KCNIP1: variants seen among roughly 807,000 people sequenced by gnomAD.
KCNIP1 encodes potassium voltage-gated channel interacting protein 1.
In KCNIP1, 18 loss-of-function variants were observed where a neutral mutation model predicts 33.0. The ratio of observed to expected loss-of-function variants is 0.55; its 90% CI spans 0.38 to 0.81. The LOEUF is 0.81. KCNIP1 is among the 30% of genes least tolerant of loss of function. The pLI, the probability that KCNIP1 is intolerant of heterozygous loss-of-function variation, is 0.00. For synonymous variants in KCNIP1, 93 were observed against 98.3 expected (o/e 0.95, Z 0.32); for missense variants, 238 against 271.6 (o/e 0.88, Z 0.87).
chr5:170,646,127 A>G (rs1413598845), intron 1 of KCNIP1, among the ~76,000 whole-genome samples: 2 of 152,232 alleles, frequency 1.3e-5, no homozygotes, highest in Non-Finnish European at 2.9e-5. Context: ...AGAAAGCACC[A>G]GGCTCAGATA....
rs543506909 is a variant in KCNIP1 at position 170,681,450 on chromosome 5, T to C, written c.62-37308T>C. 8.2e-4 allele frequency: 224 copies of C among 273,456 alleles called. 1 individual carries two copies. Among genetic ancestry groups the C allele is most frequent in the Non-Finnish European group, 1.3e-3 (198 of 147,076 alleles). The allele number at this position is 273,456 out of a possible 1,614,324, so 16.9% of individuals were successfully genotyped here. ...GGCCCTATGAGCATGTGAGTCTTGA[T>C]GGATTATTAGCTATGGGTGAGGCCA... On this transcript the variant is annotated intron_variant, in intron 1 of 7. Transcript: ENST00000328939.
intron 1 of KCNIP1, among the ~76,000 whole-genome samples, chr5:170,417,947 C>T (rs535737871): frequency 2.0e-5 from 3 of 152,214 alleles, no homozygotes; most frequent in African/African-American, 7.2e-5. Flanking sequence ...AGCTTATAAG[C>T]CTCCTGATGC....
At chr5:170,531,190 T>C (rs1014802427) in intron 1 of KCNIP1, among the ~76,000 whole-genome samples, 1 of 152,136 alleles carries the variant, frequency 6.6e-6, no homozygotes, top group Non-Finnish European at 1.5e-5. Context: ...CAAACAGGTA[T>C]ACTAGGGGAT....
At chr5:170,603,265 C>T (rs905272132) in intron 1 of KCNIP1, among the ~76,000 whole-genome samples, 3 of 152,252 alleles carry the variant, frequency 2.0e-5, no homozygotes, top group Non-Finnish European at 1.5e-5. Context: ...GCTGGAGGTT[C>T]TGCTGAGCTG....
intron 1 of KCNIP1, chr5:170,639,394 C>T (rs1470705583): frequency 6.6e-6 from 1 of 152,198 alleles, no homozygotes; most frequent in East Asian, 1.9e-4. Context: ...TACATTTAAA[C>T]CCTCAATCTG....
chr5:170,726,738 A>G (rs1227334069), intron 5 of KCNIP1, among the ~76,000 whole-genome samples: 1 of 130,342 alleles, frequency 7.7e-6, no homozygotes, highest in Non-Finnish European at 1.6e-5. Flanking sequence ...TGTCTCTACT[A>G]AAAATACAAA....
intron 1 of KCNIP1, among the ~76,000 whole-genome samples, chr5:170,431,481 C>T (rs1352787167): frequency 6.6e-6 from 1 of 152,176 alleles, no homozygotes; most frequent in Non-Finnish European, 1.5e-5. Flanking sequence ...AAATCACATT[C>T]GTTGACCTCT....
intron 1 of KCNIP1, among the ~76,000 whole-genome samples, chr5:170,597,784 A>AATATATATATATAT (rs10525595): frequency 6.7e-4 from 90 of 134,386 alleles, no homozygotes; most frequent in African/African-American, 1.4e-3. Flanking sequence ...GAGAGAGATA[A>AATATATATATATAT]ATATATATAT....
At chr5:170,423,235 T>G (rs960782406) in intron 1 of KCNIP1, among the ~76,000 whole-genome samples, 3 of 152,144 alleles carry the variant, frequency 2.0e-5, no homozygotes, top group South Asian at 2.1e-4. Context: ...GAGCCAAGAT[T>G]GGATTTTTGG....
At chr5:170,457,592 T>C (rs1756414985) in intron 1 of KCNIP1, among the ~76,000 whole-genome samples, 1 of 152,064 alleles carries the variant, frequency 6.6e-6, no homozygotes, top group Non-Finnish European at 1.5e-5. Context: ...AGAAGAGAGA[T>C]AACAATCACT....
At chr5:170,434,146 T>G (rs2113451468) in intron 1 of KCNIP1, among the ~76,000 whole-genome samples, 1 of 152,340 alleles carries the variant, frequency 6.6e-6, no homozygotes, top group African/African-American at 2.4e-5. Context: ...CTGTGGAACT[T>G]CTTTGAGCCT....
intron 1 of KCNIP1, among the ~76,000 whole-genome samples, chr5:170,610,810 G>A (rs1310439804): frequency 6.6e-6 from 1 of 152,122 alleles, no homozygotes; most frequent in Non-Finnish European, 1.5e-5. Context: ...TTTCCTGTAG[G>A]TAAACCTCCA....
chr5:170,457,721 G>T (rs1409691546), intron 1 of KCNIP1, among the ~76,000 whole-genome samples: 1 of 152,242 alleles, frequency 6.6e-6, no homozygotes, highest in East Asian at 1.9e-4. Flanking sequence ...CCTTCCATCT[G>T]ACAGACACTA....
chr5:170,473,850 G>C (rs1419261128), intron 1 of KCNIP1, among the ~76,000 whole-genome samples: 1 of 152,178 alleles, frequency 6.6e-6, no homozygotes, highest in African/African-American at 2.4e-5. Context: ...ATCTTTGCCA[G>C]TTCTCTGACC....
chr5:170,674,129 G>GAGGAAGGAAGGAAGGAAGGA (rs1160032180), intron 1 of KCNIP1, among the ~76,000 whole-genome samples: 8 of 75,082 alleles, frequency 1.1e-4, no homozygotes, highest in African/African-American at 3.2e-4. Flanking sequence ...GGAAAGCAAT[G>GAGGAAGGAAGGAAGGAAGGA]AGGAAGGAAG....
rs1399507629 is a variant in KCNIP1, at chr5:170,392,795, G to A, written c.88+38831G>A. Among the ~76,000 whole-genome samples, 3 of 152,330 alleles carry A rather than the reference G, an allele frequency of 2.0e-5. No homozygotes were observed. The East Asian group carries it at 5.8e-4, about 29-fold the overall frequency. On this transcript the variant is annotated intron_variant, in intron 1 of 7. Transcript: ENST00000377360. ...GCTGAGATTGAGCCACTGTACTCCA[G>A]CCTGGGCGACAGAGTGAGACTCCAT...
At chr5:170,455,635 TAGAA>T (rs1756353908) in intron 1 of KCNIP1, among the ~76,000 whole-genome samples, 2 of 152,232 alleles carry the variant, frequency 1.3e-5, no homozygotes, top group East Asian at 3.9e-4. Flanking sequence ...AGAATAAAAT[TAGAA>T]AGAACTTTTG....
intron 1 of KCNIP1, among the ~76,000 whole-genome samples, chr5:170,372,176 C>A (rs1363756698): frequency 6.6e-6 from 1 of 152,166 alleles, no homozygotes; most frequent in Non-Finnish European, 1.5e-5. Flanking sequence ...ATCCACAGAA[C>A]TCAAAAGAAC....
chr5:170,609,938 GA>G (rs1221325955), intron 1 of KCNIP1, among the ~76,000 whole-genome samples: 1 of 151,950 alleles, frequency 6.6e-6, no homozygotes. Flanking sequence ...AAAAATGCAA[GA>G]AAAAAAAGGA....
Sources: allele counts gnomAD v4.1 joint callset (sites outside exome capture counted in the v4.1 genomes callset), GRCh38; gene constraint gnomAD v4.1.1; transcripts MANE v1.5; gene names NCBI Gene and HGNC (gene_info 2026-07-23, HGNC 2026-07-21).